The following PSMA3 variants were observed in gnomAD, a reference collection of about 807,000 sequenced individuals.
PSMA3 encodes proteasome subunit alpha type-3.
In PSMA3, 8 loss-of-function variants were observed where a neutral mutation model predicts 40.0. The observed-to-expected ratio is 0.20, with a 90% confidence interval of 0.12 to 0.36. The LOEUF is 0.36. PSMA3 is among the 10% of genes least tolerant of loss of function. The pLI, the probability that PSMA3 is intolerant of heterozygous loss-of-function variation, is 1.00. For missense variants in PSMA3, 219 were observed against 310.6 expected, an observed-to-expected ratio of 0.70 and a Z score of 2.22; for synonymous variants, 110 against 100.0, an observed-to-expected ratio of 1.10 and a Z score of -0.59.
At chr14:58,248,694 CCTG>C (rs1889932537) in intron 2 of PSMA3, among the ~76,000 whole-genome samples, 2 of 151,960 alleles carry the variant, frequency 1.3e-5, no homozygotes, top group African/African-American at 4.8e-5. Context: ...GTGGCTCACG[CCTG>C]TAATCCCAGC....
In PSMA3 at chr14:58,263,745, C is replaced by T; in HGVS notation, c.518C>T (p.Ala173Val). The T allele has an allele frequency of 6.2e-7, 1 of 1,613,796 alleles. No individual in the cohort carries two copies. The highest frequency in any genetic ancestry group is 8.5e-7 in the Non-Finnish European group (1 of 1,179,912). Residue 173 changes from alanine (A) to valine (V), a missense_variant, in exon 7 of 11, where the codon GCA becomes GTA. Transcript: ENST00000216455. ...GCCATCGGCAAAGCCAGGCAAGCTG[C>T]AAAGACGGAAATAGAGAAGCTTCAG... is the stretch of plus-strand genomic sequence containing the variant. ...GCAIGKARQAAKTEIEKLQMK... is the reference protein window; with the variant it reads ...GCAIGKARQAVKTEIEKLQMK...
At chr14:58,254,003 G>A (rs1890078386) in intron 3 of PSMA3, among the ~76,000 whole-genome samples, 1 of 151,712 alleles carries the variant, frequency 6.6e-6, no homozygotes, top group South Asian at 2.1e-4. Flanking sequence ...TCGTCACCCA[G>A]GTACTAAGCC....
chr14:58,258,110 AT>A, intron 5 of PSMA3, 112 bp downstream of exon 5: 1 of 793,334 alleles, frequency 1.3e-6, no homozygotes, highest in Non-Finnish European at 2.1e-6. Flanking sequence ...GTCGATAAGT[AT>A]TAGGGCAATG....
intron 3 of PSMA3, among the ~76,000 whole-genome samples, chr14:58,252,715 T>C (rs934268283): frequency 1.3e-5 from 2 of 151,970 alleles, no homozygotes; most frequent in African/African-American, 4.8e-5. Context: ...GGTATCTAAG[T>C]TATGAGTGAC....
At chr14:58,258,221 C>T (rs1044638189) in intron 5 of PSMA3, 28 of 452,770 alleles carry the variant, frequency 6.2e-5, no homozygotes, top group East Asian at 3.2e-4. Flanking sequence ...GAGGATCCCT[C>T]GCGCCCAGGA....
At chr14:58,270,271 T>C (rs751366006) in intron 8 of PSMA3, 147 bp from the exon 9 acceptor site, 205 of 1,125,444 alleles carry the variant, frequency 1.8e-4, no homozygotes, top group Non-Finnish European at 2.4e-4. Context: ...TCTTCTCTAA[T>C]GTTAAATACT....
chr14:58,249,731 C>A (rs1453852552), intron 2 of PSMA3, among the ~76,000 whole-genome samples: 1 of 152,066 alleles, frequency 6.6e-6, no homozygotes, highest in Non-Finnish European at 1.5e-5. Flanking sequence ...GTCTCAAACT[C>A]CTGAGCCCAA....
chr14:58,252,149 T>C lies in PSMA3; in HGVS notation c.135T>C (p.Gly45=). 1 of 1,612,976 alleles carries C rather than the reference T, an allele frequency of 6.2e-7. No individual in the cohort carries two copies. The highest frequency in any genetic ancestry group is 8.5e-7 in the Non-Finnish European group (1 of 1,179,584). Residue 45 remains glycine, a synonymous_variant, in exon 3 of 11, where the codon GGT becomes GGC. Coordinates refer to ENST00000216455, the MANE Select transcript of PSMA3 (RefSeq NM_002788.4). ...CTATTGGAATCAGATGCAAAGATGGTGTTGTCTTTGGGGTAGAAAAATTAG... is the reference window on the plus strand; with the variant it reads ...CTATTGGAATCAGATGCAAAGATGGCGTTGTCTTTGGGGTAGAAAAATTAG... The part of the protein sequence containing the change: ...STAIGIRCKD[G]VVFGVEKLVL...
At chr14:58,259,377 C>A (rs531611100) in intron 5 of PSMA3, among the ~76,000 whole-genome samples, 78 of 152,180 alleles carry the variant, frequency 5.1e-4, no homozygotes, top group Admixed American at 1.6e-3. Context: ...TGCAGTGGCA[C>A]GATCTCAGGT....
chr14:58,245,571 G>A (rs1317064825), intron 1 of PSMA3: 1 of 152,436 alleles, frequency 6.6e-6, no homozygotes, highest in African/African-American at 2.4e-5. Context: ...ACGTTTAAAT[G>A]GTTACTTAGG....
At chr14:58,255,417 A>T (rs1890120415) in intron 3 of PSMA3, among the ~76,000 whole-genome samples, 1 of 152,218 alleles carries the variant, frequency 6.6e-6, no homozygotes, top group African/African-American at 2.4e-5. Context: ...AAAGGAATGT[A>T]GTAAAACGAT....
chr14:58,248,481 C>T (rs1008141545), intron 2 of PSMA3, among the ~76,000 whole-genome samples: 3 of 152,168 alleles, frequency 2.0e-5, no homozygotes, highest in East Asian at 3.9e-4. Flanking sequence ...CCGCTCACCT[C>T]GGACTCCCAG....
rs201567157 is a variant in PSMA3, at chr14:58,244,959, C to A, written c.21+18C>A. The A allele has an allele frequency of 4.3e-6, 7 of 1,614,054 alleles. No individual in the cohort carries two copies. In the Admixed American group the frequency reaches 6.7e-5, roughly 15 times the overall value. On this transcript the variant is annotated intron_variant, in intron 1 of 10. Coordinates refer to ENST00000216455, the MANE Select transcript of PSMA3 (RefSeq NM_002788.4). Reference sequence around the variant, plus strand: ...GCACTGGGGTGAGTTCGCTGTCTGTCGGTGTAATAGTTTAACCTAAGGATT... The same window carrying A: ...GCACTGGGGTGAGTTCGCTGTCTGTAGGTGTAATAGTTTAACCTAAGGATT...
Position 58,257,750 on chromosome 14 carries a change from A to G in PSMA3, c.234A>G (p.Val78=). The change falls in exon 4 of 11, where the codon GTA becomes GTG. Residue 78 remains valine, a synonymous_variant. Coordinates refer to ENST00000216455, the MANE Select transcript of PSMA3 (RefSeq NM_002788.4). The part of the protein sequence containing the change: ...FNVDRHVGMA[V]AGLLADARSL... ...AATTGGTGCTTTTTTTTCAGGCAGT[A>G]GCAGGTTTGTTGGCAGATGCTCGTT... is the stretch of plus-strand genomic sequence containing the variant. 1 of 1,609,492 alleles carries G rather than the reference A, an allele frequency of 6.2e-7. No homozygotes were observed. The highest frequency in any genetic ancestry group is 8.5e-7 in the Non-Finnish European group (1 of 1,176,528).
chr14:58,259,260 C>CA (rs1890215646), intron 5 of PSMA3, among the ~76,000 whole-genome samples: 1 of 152,164 alleles, frequency 6.6e-6, no homozygotes, highest in Non-Finnish European at 1.5e-5. Context: ...CTTCTCTACT[C>CA]TTTTTAAGGG....
chr14:58,254,583 G>A (rs1411742537), intron 3 of PSMA3, among the ~76,000 whole-genome samples: 4 of 151,396 alleles, frequency 2.6e-5, no homozygotes, highest in Non-Finnish European at 4.4e-5. Context: ...CGATCCTCCC[G>A]CCTCAGCTTC....
chr14:58,250,077 G>A (rs533350981), intron 2 of PSMA3, among the ~76,000 whole-genome samples: 6 of 151,586 alleles, frequency 4.0e-5, no homozygotes, highest in Admixed American at 1.3e-4. Flanking sequence ...AAAATTAGCC[G>A]GGCATGGCAG....
At chr14:58,261,775 T>C (rs779658873) in intron 6 of PSMA3, among the ~76,000 whole-genome samples, 2 of 151,914 alleles carry the variant, frequency 1.3e-5, no homozygotes, top group Non-Finnish European at 2.9e-5. Context: ...GCCTAGCTAA[T>C]TTTTGTATTT....
intron 7 of PSMA3, 169 bp from the exon 8 acceptor site, chr14:58,267,305 A>C: frequency 8.8e-7 from 1 of 1,142,840 alleles, no homozygotes; most frequent in Non-Finnish European, 1.1e-6. Flanking sequence ...CCCAGCCTGG[A>C]GTATAAATTT....
Sources: allele counts gnomAD v4.1 joint callset (sites outside exome capture counted in the v4.1 genomes callset), GRCh38; gene constraint gnomAD v4.1.1; transcripts MANE v1.5; gene names NCBI Gene and HGNC (gene_info 2026-07-23, HGNC 2026-07-21).